Variants in ARHGEF7 observed in about 807,000 individuals in gnomAD.
ARHGEF7 encodes PAK-interacting exchange factor beta.
ARHGEF7 carries 33 observed loss-of-function variants against 109.8 expected under a neutral mutation model. That is an observed-to-expected ratio of 0.30 (90% CI 0.23 to 0.40). The LOEUF is 0.40. ARHGEF7 is among the 10% of genes least tolerant of loss of function. ARHGEF7 has a pLI of 1.00. For synonymous variants in ARHGEF7, 458 were observed against 424.6 expected, an observed-to-expected ratio of 1.08 and a Z score of -0.97; for missense variants, 938 against 1,098.5, an observed-to-expected ratio of 0.85 and a Z score of 2.07.
At chr13:111,155,933 A>G (rs559846392) in intron 2 of ARHGEF7, among the ~76,000 whole-genome samples, 1 of 152,086 alleles carries the variant, frequency 6.6e-6, no homozygotes, top group South Asian at 2.1e-4. Flanking sequence ...CCAAAAACAA[A>G]AATTAGCCCG....
chr13:111,188,505 G>A (rs987665025), intron 2 of ARHGEF7, among the ~76,000 whole-genome samples: 7 of 152,180 alleles, frequency 4.6e-5, no homozygotes. Context: ...CTCCTACACG[G>A]TGCTGGATCC....
intron 2 of ARHGEF7, among the ~76,000 whole-genome samples, chr13:111,184,239 GC>G (rs2079037768): frequency 1.3e-5 from 2 of 152,098 alleles, no homozygotes. Context: ...GTTCCCTGAG[GC>G]CTCCCCAGCT....
chr13:111,122,391 C>T (rs1230602871), intron 1 of ARHGEF7, among the ~76,000 whole-genome samples: 1 of 152,230 alleles, frequency 6.6e-6, no homozygotes, highest in African/African-American at 2.4e-5. Context: ...CCGGGTACAG[C>T]TTCTGACTTC....
intron 1 of ARHGEF7, among the ~76,000 whole-genome samples, chr13:111,150,738 C>T (rs539968732): frequency 2.9e-4 from 44 of 152,266 alleles, no homozygotes; most frequent in South Asian, 1.7e-3. Context: ...AAAGTTCCCT[C>T]GTGTAGTGTG....
intron 2 of ARHGEF7, among the ~76,000 whole-genome samples, chr13:111,189,415 G>A (rs912307788): frequency 2.6e-5 from 4 of 152,266 alleles, no homozygotes; most frequent in Admixed American, 2.0e-4. Flanking sequence ...GCAGACCTTC[G>A]CAGTGAGTGT....
At chr13:111,159,017 C>G in intron 2 of ARHGEF7, 1 of 718,408 alleles carries the variant, frequency 1.4e-6, no homozygotes, top group Non-Finnish European at 2.6e-6. Context: ...TCTCCCCTTT[C>G]CCTGTCTAGC....
intron 8 of ARHGEF7, among the ~76,000 whole-genome samples, chr13:111,259,152 A>T (rs113245345): frequency 2.0e-4 from 31 of 152,284 alleles, no homozygotes; most frequent in African/African-American, 6.5e-4. Context: ...GGAGCCAAGG[A>T]GAACTCACCG....
In ARHGEF7 at chr13:111,300,786, G is replaced by A. The variant is rs766403543; in HGVS notation, c.2350G>A (p.Glu784Lys). 1.2e-6 allele frequency: 2 copies of A among 1,611,592 alleles called. No individual in the cohort carries two copies. The highest frequency in any genetic ancestry group is 2.2e-5 in the South Asian group (2 of 90,502). Reference protein sequence around the residue: ...KESAPQVLLPEEEKIIVEETK... With the variant: ...KESAPQVLLPKEEKIIVEETK... ...ATCTGCTCCACAAGTTTTGCTTCCAGAAGAAGAGAAAATTATAGTGGAAGA... is the reference window on the plus strand; with the variant it reads ...ATCTGCTCCACAAGTTTTGCTTCCAAAAGAAGAGAAAATTATAGTGGAAGA... The change falls in exon 20 of 22, where the codon GAA becomes AAA. Residue 784 changes from glutamate (E) to lysine (K), a missense_variant. By Grantham distance (56) the Glu-to-Lys change is moderately conservative (BLOSUM62 1). This residue lies in a region of ARHGEF7 where 166 missense variants were observed against 167.3 expected (regional missense o/e 0.99). Transcript: ENST00000646102.
chr13:111,245,451 A>G (rs1373463552), intron 8 of ARHGEF7, among the ~76,000 whole-genome samples: 1 of 152,204 alleles, frequency 6.6e-6, no homozygotes, highest in Non-Finnish European at 1.5e-5. Context: ...CGCTCAGCTC[A>G]TGAGGTACCC....
Position 111,121,150 on chromosome 13 carries a change from C to T in ARHGEF7, c.165+5459C>T, listed in dbSNP as rs574939700. On this transcript the variant is annotated intron_variant, in intron 1 of 21. Coordinates refer to ENST00000646102, the MANE Select transcript of ARHGEF7 (RefSeq NM_001354046.2). ...GAGCCACTGCAGGTGTCTCACTTCTCGGGACATCTGGAAGCAGCTCTGCCC... is the reference window on the plus strand; with the variant it reads ...GAGCCACTGCAGGTGTCTCACTTCTTGGGACATCTGGAAGCAGCTCTGCCC... Among the ~76,000 whole-genome samples, 6 of 152,258 alleles carry T rather than the reference C, an allele frequency of 3.9e-5. No homozygotes were observed. The East Asian group carries it at 9.7e-4, about 25-fold the overall frequency.
intron 21 of ARHGEF7, 25 bp downstream of exon 21, chr13:111,301,557 CTTTT>C (rs574227500): frequency 6.4e-7 from 1 of 1,557,238 alleles, no homozygotes. Context: ...ATCTTTAAAT[CTTTT>C]TTTTCTTTTC....
At chr13:111,257,852 G>A (rs904645023) in intron 8 of ARHGEF7, among the ~76,000 whole-genome samples, 2 of 152,234 alleles carry the variant, frequency 1.3e-5, no homozygotes, top group South Asian at 2.1e-4. Context: ...AGCAACATTG[G>A]GCACAGAGGT....
At chr13:111,253,463 C>A (rs2090035155) in intron 8 of ARHGEF7, among the ~76,000 whole-genome samples, 1 of 152,134 alleles carries the variant, frequency 6.6e-6, no homozygotes, top group Admixed American at 6.5e-5. Flanking sequence ...AAATTTTATT[C>A]TTACTTATTT....
At position 111,272,640 on chromosome 13, in the gene ARHGEF7, C is replaced by T. The variant is rs1373338791; in HGVS notation, c.1074-1174C>T. 6.6e-6 allele frequency among the ~76,000 whole-genome samples: 1 copy of T among 152,020 alleles called. No homozygotes were observed. On this transcript the variant is annotated intron_variant, in intron 9 of 21. Transcript: ENST00000646102. The surrounding 1 kb of genome is among the most constrained non-coding windows in gnomAD (Gnocchi z 5.2). The stretch of plus-strand genomic sequence containing the variant: ...TCTAGGATGGGGCGTGGTGATGGGG[C>T]GGGGGTCACCTGGGTCTCCTGGATG...
rs1595086861 is a variant in ARHGEF7 at position 111,153,482 on chromosome 13, G to T, written c.166-423G>T. On this transcript the variant is annotated intron_variant, in intron 1 of 21. Transcript: ENST00000646102. ...GGAGGAGGCGGCGGTGGCCGCGCGC[G>T]GGGCCAACCGGTGGGCTCCCTCTAC... is the stretch of plus-strand genomic sequence containing the variant. Among the ~76,000 whole-genome samples the T allele has an allele frequency of 2.6e-5, 4 of 152,288 alleles. No individual in the cohort carries two copies. In the Middle Eastern group the frequency reaches 0.01, roughly 388 times the overall value.
At chr13:111,278,583 A>G (rs1237880467) in intron 13 of ARHGEF7, among the ~76,000 whole-genome samples, 1 of 152,166 alleles carries the variant, frequency 6.6e-6, no homozygotes, top group Non-Finnish European at 1.5e-5. Flanking sequence ...GAATTGGTGA[A>G]TCACATATGT....
chr13:111,174,174 T>G (rs1263421164), intron 2 of ARHGEF7, among the ~76,000 whole-genome samples: 2 of 152,220 alleles, frequency 1.3e-5, no homozygotes, highest in African/African-American at 2.4e-5. Context: ...ATTTAAAATC[T>G]AGGTAATATT....
chr13:111,288,253 T>C, intron 17 of ARHGEF7, 101 bp from the exon 18 acceptor site: 2 of 563,654 alleles, frequency 3.5e-6, no homozygotes, highest in Non-Finnish European at 6.3e-6. Flanking sequence ...ATTATCTTAC[T>C]TGGTCACTTT....
At chr13:111,149,190 G>C (rs1382660778) in intron 1 of ARHGEF7, among the ~76,000 whole-genome samples, 1 of 151,742 alleles carries the variant, frequency 6.6e-6, no homozygotes, top group Non-Finnish European at 1.5e-5. Flanking sequence ...CGGGCAGATT[G>C]CTTGAGCCCA....
Sources: gnomAD v4.1 joint callset for allele counts (sites outside exome capture counted in the v4.1 genomes callset) on GRCh38, gnomAD v4.1.1 for gene constraint, gnomAD v4.1.1 regional missense constraint, Gnocchi (gnomAD v3.1) non-coding constraint, MANE v1.5 for transcripts, NCBI Gene and HGNC (gene_info 2026-07-23, HGNC 2026-07-21) for gene names.